ADK: variants seen among roughly 807,000 people sequenced by gnomAD.
ADK encodes adenosine kinase.
In ADK, 24 loss-of-function variants were observed where a neutral mutation model predicts 44.7. The ratio of observed to expected loss-of-function variants is 0.54; its 90% CI spans 0.39 to 0.76. The LOEUF (loss-of-function observed/expected upper bound fraction) is 0.76, where lower values mean the gene tolerates loss of function less well. Ranked by LOEUF, ADK falls within the 30% of genes least tolerant of loss-of-function variation. ADK has a pLI of 0.00. For missense variants in ADK, 321 were observed against 425.1 expected (o/e 0.76, Z 2.15); for synonymous variants, 128 against 142.6 (o/e 0.90, Z 0.73).
At chr10:74,408,222 A>C in intron 6 of ADK, among the ~76,000 whole-genome samples, 1 of 149,796 alleles carries the variant, frequency 6.7e-6, no homozygotes. Flanking sequence ...TGAACTCCTG[A>C]CCTCAAGTGA....
intron 9 of ADK, among the ~76,000 whole-genome samples, chr10:74,609,549 C>T (rs1180205786): frequency 1.3e-5 from 2 of 152,122 alleles, no homozygotes; most frequent in Non-Finnish European, 2.9e-5. Flanking sequence ...TGCTTCCGCT[C>T]GCCCTTTGTG....
intron 3 of ADK, among the ~76,000 whole-genome samples, chr10:74,274,747 T>TATATATATATATATATATATATATATAC (rs532758145): frequency 8.0e-4 from 76 of 95,286 alleles, no homozygotes; most frequent in African/African-American, 2.5e-3. Context: ...TATATATATA[T>TATATATATATATATATATATATATATAC]ACACACACAC....
chr10:74,690,650 A>G (rs888350820), intron 10 of ADK, among the ~76,000 whole-genome samples: 2 of 152,134 alleles, frequency 1.3e-5, no homozygotes, highest in African/African-American at 4.8e-5. Flanking sequence ...TATAATGTCT[A>G]TCTCTGCAAA....
At chr10:74,506,301 G>A (rs536877658) in intron 6 of ADK, 5 of 244,256 alleles carry the variant, frequency 2.0e-5, no homozygotes, top group African/African-American at 6.9e-5. Context: ...GAAATGGTGG[G>A]CAACCACAGC....
chr10:74,373,956 A>G lies in ADK; in HGVS notation c.274-20185A>G, dbSNP rs1046102405. On this transcript the variant is annotated intron_variant, in intron 4 of 10. Coordinates refer to ENST00000539909, the MANE Select transcript of ADK (RefSeq NM_006721.4). Reference sequence around the variant, plus strand: ...AATAGAATATTATTTGACAAAAAAGAAATGAAGTACTGATACATGCTACAA... The same window carrying G: ...AATAGAATATTATTTGACAAAAAAGGAATGAAGTACTGATACATGCTACAA... 5.3e-5 allele frequency among the ~76,000 whole-genome samples: 8 copies of G among 152,340 alleles called. No individual in the cohort carries two copies. The South Asian group carries it at 1.0e-3, about 20-fold the overall frequency.
At chr10:74,211,598 G>A (rs1166566891) in intron 2 of ADK, among the ~76,000 whole-genome samples, 1 of 152,138 alleles carries the variant, frequency 6.6e-6, no homozygotes, top group Non-Finnish European at 1.5e-5. Flanking sequence ...TCTGGGGTCA[G>A]TATCTTTGCA....
chr10:74,297,966 G>A lies in ADK; in HGVS notation c.195-16701G>A, dbSNP rs1440512585. ...TGTTTCAAGTGCCATATGTATTGCT[G>A]TGCTATAACACTGTATTTTTTTTTT... On this transcript the variant is annotated intron_variant, in intron 3 of 10. Transcript: ENST00000539909. 6.6e-5 allele frequency among the ~76,000 whole-genome samples: 10 copies of A among 152,046 alleles called. No homozygotes were observed. In the East Asian group the frequency reaches 7.7e-4, roughly 12 times the overall value.
chr10:74,556,061 T>G (rs536624016), intron 7 of ADK, among the ~76,000 whole-genome samples: 1 of 152,148 alleles, frequency 6.6e-6, no homozygotes, highest in Non-Finnish European at 1.5e-5. Context: ...TTAAAAGGAG[T>G]GAAGGTTTAT....
intron 6 of ADK, among the ~76,000 whole-genome samples, chr10:74,517,725 A>G (rs1330897229): frequency 1.3e-5 from 2 of 151,750 alleles, no homozygotes; most frequent in Non-Finnish European, 2.9e-5. Context: ...TATGCAGACT[A>G]TGTGATTTTC....
At chr10:74,620,053 G>T (rs1852928884) in intron 9 of ADK, among the ~76,000 whole-genome samples, 1 of 152,170 alleles carries the variant, frequency 6.6e-6, no homozygotes, top group Admixed American at 6.5e-5. Flanking sequence ...ATAATGTATG[G>T]TGATCAGAGC....
At chr10:74,488,287 T>C (rs558925245) in intron 6 of ADK, among the ~76,000 whole-genome samples, 1 of 151,946 alleles carries the variant, frequency 6.6e-6, no homozygotes, top group East Asian at 1.9e-4. Flanking sequence ...TTTGTGCTTA[T>C]ATAGGAAAAT....
chr10:74,365,762 T>A (rs932660003), intron 4 of ADK, among the ~76,000 whole-genome samples: 1 of 152,122 alleles, frequency 6.6e-6, no homozygotes, highest in Non-Finnish European at 1.5e-5. Flanking sequence ...ATTCTATATT[T>A]AACTTTTTAA....
chr10:74,686,746 G>A (rs539844364), intron 10 of ADK, among the ~76,000 whole-genome samples: 10 of 151,978 alleles, frequency 6.6e-5, no homozygotes, highest in African/African-American at 1.4e-4. Flanking sequence ...GCATGATCTC[G>A]GCTCACTGCA....
chr10:74,645,951 C>T (rs539881291), intron 9 of ADK, among the ~76,000 whole-genome samples: 1 of 152,280 alleles, frequency 6.6e-6, no homozygotes, highest in Non-Finnish European at 1.5e-5. Context: ...CACCATTTAA[C>T]ATCAATGCAG....
chr10:74,376,088 G>A (rs1842813542), intron 4 of ADK, among the ~76,000 whole-genome samples: 1 of 151,522 alleles, frequency 6.6e-6, no homozygotes, highest in African/African-American at 2.4e-5. Flanking sequence ...TTGGATCCGT[G>A]TTTGAACTCT....
At chr10:74,533,549 G>A (rs970663326) in intron 7 of ADK, among the ~76,000 whole-genome samples, 4 of 152,144 alleles carry the variant, frequency 2.6e-5, no homozygotes, top group East Asian at 1.9e-4. Flanking sequence ...TTGACAAGTC[G>A]TTCTGGAGCA....
At chr10:74,353,514 T>G (rs933006146) in intron 4 of ADK, among the ~76,000 whole-genome samples, 9 of 150,000 alleles carry the variant, frequency 6.0e-5, no homozygotes, top group East Asian at 5.9e-4. Flanking sequence ...CCATGGCACA[T>G]GTATACCAAC....
intron 3 of ADK, among the ~76,000 whole-genome samples, chr10:74,227,261 A>G (rs1188624756): frequency 6.6e-6 from 1 of 152,244 alleles, no homozygotes; most frequent in East Asian, 1.9e-4. Flanking sequence ...CATTATTACA[A>G]CTTCTTAATT....
intron 4 of ADK, among the ~76,000 whole-genome samples, chr10:74,357,315 T>C (rs1420059885): frequency 6.6e-6 from 1 of 152,092 alleles, no homozygotes; most frequent in Non-Finnish European, 1.5e-5. Context: ...TGGTGGTGAT[T>C]ATGGTGTTGA....
Sources: allele counts gnomAD v4.1 joint callset (sites outside exome capture counted in the v4.1 genomes callset), GRCh38; gene constraint gnomAD v4.1.1; transcripts MANE v1.5; gene names NCBI Gene and HGNC (gene_info 2026-07-23, HGNC 2026-07-21).